Variants in HPSE2 observed in about 807,000 individuals in gnomAD.
HPSE2 encodes inactive heparanase-2.
Under a neutral mutation model 60.5 loss-of-function variants are expected in HPSE2, and 38 were observed. That is an observed-to-expected ratio of 0.63 (90% CI 0.48 to 0.82). The LOEUF (loss-of-function observed/expected upper bound fraction) is 0.82, where lower values mean the gene tolerates loss of function less well. Ranked by LOEUF, HPSE2 falls within the 40% of genes least tolerant of loss-of-function variation. The pLI, the probability that HPSE2 is intolerant of heterozygous loss-of-function variation, is 0.00. For synonymous variants in HPSE2, 295 were observed against 293.2 expected, an observed-to-expected ratio of 1.01 and a Z score of -0.06; for missense variants, 713 against 740.4, an observed-to-expected ratio of 0.96 and a Z score of 0.43.
chr10:99,216,553 C>T (rs1849136702), intron 2 of HPSE2, among the ~76,000 whole-genome samples: 1 of 152,162 alleles, frequency 6.6e-6, no homozygotes, highest in African/African-American at 2.4e-5. Flanking sequence ...GTAAATTTGT[C>T]TGGTGACACC....
upstream of HPSE2, among the ~76,000 whole-genome samples, chr10:99,236,470 T>G (rs1406835615): frequency 6.6e-6 from 1 of 151,982 alleles, no homozygotes; most frequent in East Asian, 1.9e-4. Context: ...GGCCCTTTTC[T>G]GGTTGAAGCA....
At chr10:99,096,636 T>C (rs1843726993) in intron 3 of HPSE2, among the ~76,000 whole-genome samples, 3 of 152,186 alleles carry the variant, frequency 2.0e-5, no homozygotes, top group Admixed American at 1.3e-4. Flanking sequence ...CATTGGACAT[T>C]AAAATGTTTC....
chr10:98,992,063 T>C (rs1025540656), intron 3 of HPSE2, among the ~76,000 whole-genome samples: 3 of 152,206 alleles, frequency 2.0e-5, no homozygotes, highest in Non-Finnish European at 4.4e-5. Context: ...ATCTTGTCTT[T>C]CCAATCAAAT....
At chr10:98,559,430 C>G (rs900763863) in intron 9 of HPSE2, among the ~76,000 whole-genome samples, 1 of 152,104 alleles carries the variant, frequency 6.6e-6, no homozygotes, top group Non-Finnish European at 1.5e-5. Context: ...CCTGCCCCAA[C>G]TCTACACTCC....
chr10:98,717,436 A>G (rs1347176846), intron 5 of HPSE2, among the ~76,000 whole-genome samples: 1 of 152,138 alleles, frequency 6.6e-6, no homozygotes, highest in Non-Finnish European at 1.5e-5. Context: ...ATGGCTTTCA[A>G]CATGCCTTCC....
intron 2 of HPSE2, among the ~76,000 whole-genome samples, chr10:99,189,649 T>C (rs1389308395): frequency 6.6e-6 from 1 of 152,214 alleles, no homozygotes; most frequent in Admixed American, 6.5e-5. Flanking sequence ...AAGAATGCAT[T>C]TGGCTGCAGG....
intron 6 of HPSE2, among the ~76,000 whole-genome samples, chr10:98,682,276 T>G (rs1425069506): frequency 1.3e-5 from 2 of 152,220 alleles, no homozygotes; most frequent in African/African-American, 4.8e-5. Flanking sequence ...CTTTCCACCA[T>G]GAGTGAAAGT....
In HPSE2 at chr10:98,788,868, C is replaced by T. The variant is rs553393593; in HGVS notation, c.611-44812G>A. On this transcript the variant is annotated intron_variant, in intron 3 of 11. Transcript: ENST00000370552. ...CTGGCACTCCCTAGTGAGGTGAACCCGGTACCTCAGATGGAAATGCAGAAA... is the reference window on the plus strand; with the variant it reads ...CTGGCACTCCCTAGTGAGGTGAACCTGGTACCTCAGATGGAAATGCAGAAA... 9.0e-4 allele frequency among the ~76,000 whole-genome samples: 136 copies of T among 151,794 alleles called. 2 individuals are homozygous for T. The Middle Eastern group carries it at 0.027, about 30-fold the overall frequency.
chr10:98,781,493 G>A (rs748494115), intron 3 of HPSE2, among the ~76,000 whole-genome samples: 6 of 151,862 alleles, frequency 4.0e-5, no homozygotes, highest in Admixed American at 1.3e-4. Context: ...ATATCATATC[G>A]TTAACATAAA....
At chr10:98,950,549 T>C (rs1955326941) in intron 3 of HPSE2, among the ~76,000 whole-genome samples, 1 of 152,216 alleles carries the variant, frequency 6.6e-6, no homozygotes, top group Non-Finnish European at 1.5e-5. Context: ...TTTCCTGCTA[T>C]GTTCTCAATA....
chr10:98,469,893 A>C (rs1032278734), intron 11 of HPSE2, among the ~76,000 whole-genome samples: 4 of 152,228 alleles, frequency 2.6e-5, no homozygotes, highest in African/African-American at 9.6e-5. Flanking sequence ...CAGATTCCCA[A>C]GTCAGAATTC....
At chr10:98,852,782 C>G (rs931031081) in intron 3 of HPSE2, among the ~76,000 whole-genome samples, 15 of 152,106 alleles carry the variant, frequency 9.9e-5, no homozygotes, top group Admixed American at 7.9e-4. Context: ...TTTCTACACA[C>G]CTTGTAGCCC....
intron 2 of HPSE2, among the ~76,000 whole-genome samples, chr10:99,197,241 G>A (rs1366558301): frequency 6.6e-6 from 1 of 152,144 alleles, no homozygotes; most frequent in East Asian, 1.9e-4. Flanking sequence ...TGGGGGGTTG[G>A]CAGGGAGGTG....
At chr10:99,257,137 T>G in the HPSE2 span, among the ~76,000 whole-genome samples, 1 of 152,186 alleles carries the variant, frequency 6.6e-6, no homozygotes, top group Non-Finnish European at 1.5e-5. Flanking sequence ...CTTCATAAGC[T>G]AAGGAGGATG....
chr10:99,188,205 C>T (rs1848098339), intron 2 of HPSE2, among the ~76,000 whole-genome samples: 1 of 151,978 alleles, frequency 6.6e-6, no homozygotes, highest in Admixed American at 6.6e-5. Context: ...TTGATGAATC[C>T]CCAAAACATT....
intron 2 of HPSE2, among the ~76,000 whole-genome samples, chr10:99,204,867 TA>T (rs1236835912): frequency 6.6e-6 from 1 of 152,232 alleles, no homozygotes; most frequent in East Asian, 1.9e-4. Context: ...TTTACTGCAA[TA>T]AAATATATGC....
At chr10:99,234,548 A>C (rs1386749338) in intron 1 of HPSE2, among the ~76,000 whole-genome samples, 2 of 152,152 alleles carry the variant, frequency 1.3e-5, no homozygotes, top group East Asian at 1.9e-4. Context: ...CAGAGGATTT[A>C]TTTCTTATTT....
the HPSE2 span, among the ~76,000 whole-genome samples, chr10:99,287,386 C>A: frequency 1.3e-5 from 2 of 151,968 alleles, no homozygotes; most frequent in South Asian, 2.1e-4. Context: ...CTTCACCAGG[C>A]CAACATGGAG....
At chr10:98,791,238 T>C (rs1175556523) in intron 3 of HPSE2, among the ~76,000 whole-genome samples, 1 of 152,156 alleles carries the variant, frequency 6.6e-6, no homozygotes, top group Non-Finnish European at 1.5e-5. Flanking sequence ...GGAGGGAGAC[T>C]GGCATTAGAA....
Sources: allele counts gnomAD v4.1 joint callset (sites outside exome capture counted in the v4.1 genomes callset), GRCh38; gene constraint gnomAD v4.1.1; transcripts MANE v1.5; gene names NCBI Gene and HGNC (gene_info 2026-07-23, HGNC 2026-07-21).